Variants in ADCY1 observed in about 807,000 individuals in gnomAD.
The protein encoded by ADCY1 is adenylate cyclase type 1.
In ADCY1, 28 loss-of-function variants were observed where a neutral mutation model predicts 105.4. That is an observed-to-expected ratio of 0.27 (90% CI 0.20 to 0.36). The LOEUF (loss-of-function observed/expected upper bound fraction) is 0.36. Among genes scored for constraint, ADCY1 ranks in the 10% least tolerant of loss-of-function variants. ADCY1 has a pLI of 1.00. For synonymous variants in ADCY1, 655 were observed against 623.8 expected, an observed-to-expected ratio of 1.05 and a Z score of -0.75; for missense variants, 977 against 1,434.2, an observed-to-expected ratio of 0.68 and a Z score of 5.15.
chr7:45,634,546 A>C (rs73318984), intron 4 of ADCY1, among the ~76,000 whole-genome samples: 2,751 of 151,406 alleles, frequency 0.018, 60 homozygotes, highest in African/African-American at 0.051. Context: ...ACCTTGATTG[A>C]TGGTAGGATA....
chr7:45,610,492 T>C lies in ADCY1; in HGVS notation c.903T>C (p.Asn301=), dbSNP rs774834710. The change falls in exon 3 of 20, where the codon AAT becomes AAC. Residue 301 remains asparagine (N), a synonymous_variant. Transcript: ENST00000297323. ...AGATTTACATCCAGAGGCACGACAA[T>C]GTGAGGTAGGGCTGGTGCTGACCCG... ...FHKIYIQRHD[N]VSILFADIVG... The C allele has an allele frequency of 5.0e-6, 8 of 1,613,106 alleles. No homozygotes were observed. In the African/African-American group the frequency reaches 1.1e-4, roughly 22 times the overall value.
At chr7:45,701,694 C>T (rs2471274) in intron 14 of ADCY1, among the ~76,000 whole-genome samples, 151,459 of 152,300 alleles carry the variant, frequency 0.99, 75,315 homozygotes, top group East Asian at 1. Flanking sequence ...GTCCAGAATG[C>T]CATTATTGAT....
intron 4 of ADCY1, among the ~76,000 whole-genome samples, chr7:45,634,613 G>A (rs529381297): frequency 1.3e-5 from 2 of 152,142 alleles, no homozygotes; most frequent in Non-Finnish European, 2.9e-5. Flanking sequence ...GATGGTCCCC[G>A]ACTTATGATA....
chr7:45,721,185 T>C lies in ADCY1; in HGVS notation c.*7190T>C, dbSNP rs1356556305. 6.6e-6 allele frequency: 1 copy of C among 152,272 alleles called. No individual in the cohort carries two copies. The allele number at this position is 152,272 out of a possible 1,614,324, so 9.4% of individuals were successfully genotyped here. On this transcript the variant is annotated 3_prime_UTR_variant, in exon 20 of 20. Coordinates refer to ENST00000297323, the MANE Select transcript of ADCY1 (RefSeq NM_021116.4). ...AGGCTGTCCCCGCAATGGGTGAGACTCGCTCCAACTGCCCGCCCTCAGAGC... is the reference window on the plus strand; with the variant it reads ...AGGCTGTCCCCGCAATGGGTGAGACCCGCTCCAACTGCCCGCCCTCAGAGC...
intron 8 of ADCY1, among the ~76,000 whole-genome samples, chr7:45,668,507 G>C (rs1784305947): frequency 1.3e-5 from 2 of 152,186 alleles, no homozygotes; most frequent in South Asian, 4.1e-4. Context: ...TAAGCTTTTT[G>C]ATGTGCTGCT....
intron 2 of ADCY1, among the ~76,000 whole-genome samples, chr7:45,593,308 G>A (rs552486655): frequency 5.9e-5 from 9 of 152,286 alleles, no homozygotes; most frequent in East Asian, 3.9e-4. Flanking sequence ...CAGTGTGGCC[G>A]ACCCCAGAGC....
chr7:45,587,022 C>A (rs1362322344), intron 1 of ADCY1, among the ~76,000 whole-genome samples: 1 of 152,198 alleles, frequency 6.6e-6, no homozygotes, highest in Admixed American at 6.5e-5. Context: ...CTGAATGCCA[C>A]CCAGGCTGAG....
chr7:45,653,269 A>G (rs752088071), intron 5 of ADCY1, among the ~76,000 whole-genome samples: 26 of 152,242 alleles, frequency 1.7e-4, no homozygotes, highest in African/African-American at 3.1e-4. Context: ...AAAATGGCCA[A>G]TTCTGCCTCA....
At chr7:45,587,733 T>C (rs1649536354) in intron 1 of ADCY1, among the ~76,000 whole-genome samples, 1 of 152,148 alleles carries the variant, frequency 6.6e-6, no homozygotes, top group Admixed American at 6.5e-5. Flanking sequence ...CCAGTGACCC[T>C]CCAGTGTCTG....
intron 8 of ADCY1, chr7:45,664,469 GTTC>G (rs1301450509): frequency 5.3e-6 from 8 of 1,512,578 alleles, no homozygotes; most frequent in Non-Finnish European, 6.2e-6. Context: ...CGCCAGCTCT[GTTC>G]TTCTCTCAGC....
rs1554332713 is a variant in ADCY1, at chr7:45,706,512, A to AAAAAAAAAAAAAAG, written c.2818-1837_2818-1836insAAAAAAAAAAAAGA. Among the ~76,000 whole-genome samples the AAAAAAAAAAAAAAG allele has an allele frequency of 3.0e-5, 4 of 135,446 alleles. 1 individual carries two copies. The highest frequency in any genetic ancestry group is 1.6e-5 in the Non-Finnish European group (1 of 63,288). 88.9% of individuals were successfully genotyped at this position (135,446 alleles called of 152,430 possible). A position where few individuals can be genotyped will look rare whatever the true frequency, so the allele number is the denominator to read the frequency against. ...ACATGCAAAAAAAAAAAAAAAAAAA[A>AAAAAAAAAAAAAAG]AGAATATAGATGCAGACTTTACACC... On this transcript the variant is annotated intron_variant, in intron 17 of 19. Transcript: ENST00000297323.
chr7:45,708,287 G>T lies in ADCY1; in HGVS notation c.2818-63G>T, dbSNP rs1388202370. ...GTGCAGCTGTTGGGCACTGCAGGTT[G>T]GTCCCTGGCCCCCTCTTGCCTTGCA... On this transcript the variant is annotated intron_variant, in intron 17 of 19. Transcript: ENST00000297323. The surrounding 1 kb of genome is among the most constrained non-coding windows in gnomAD (Gnocchi z 4.7). The T allele has an allele frequency of 3.5e-6, 4 of 1,144,882 alleles. No homozygotes were observed. Among genetic ancestry groups the T allele is most frequent in the Non-Finnish European group, 5.2e-6 (4 of 762,052 alleles). 70.9% of individuals were successfully genotyped at this position (1,144,882 alleles called of 1,614,324 possible).
Position 45,708,534 on chromosome 7 carries a change from C to A in ADCY1, c.2932+70C>A. The stretch of plus-strand genomic sequence containing the variant: ...TCCTACACCCACCTAGGGGTGGGAT[C>A]AGCTGATGAGGTACCCTGGTCTTAC... On this transcript the variant is annotated intron_variant, in intron 18 of 19. Transcript: ENST00000297323. This position sits in a 1 kb window ranked among gnomAD's most constrained non-coding sequence, Gnocchi z 4.7. The A allele has an allele frequency of 1.7e-6, 2 of 1,201,458 alleles. No homozygotes were observed. Among genetic ancestry groups the A allele is most frequent in the East Asian group, 2.4e-5 (1 of 42,406 alleles). 74.4% of individuals were successfully genotyped at this position (1,201,458 alleles called of 1,614,324 possible).
At chr7:45,646,607 G>A (rs376073728) in intron 4 of ADCY1, among the ~76,000 whole-genome samples, 1 of 152,220 alleles carries the variant, frequency 6.6e-6, no homozygotes, top group Admixed American at 6.5e-5. Flanking sequence ...CTGGGAAACA[G>A]CACTGTGGGG....
chr7:45,666,590 G>A (rs770469396), intron 8 of ADCY1, among the ~76,000 whole-genome samples: 1 of 152,198 alleles, frequency 6.6e-6, no homozygotes. Context: ...ATAAACATAC[G>A]TGTGCATTTG....
chr7:45,697,841 A>G (rs775579658), intron 14 of ADCY1, among the ~76,000 whole-genome samples: 2 of 152,222 alleles, frequency 1.3e-5, no homozygotes, highest in African/African-American at 2.4e-5. Flanking sequence ...GAAGCTCCTT[A>G]GGAGTAAAGA....
chr7:45,622,131 G>T (rs1007640765), intron 3 of ADCY1, among the ~76,000 whole-genome samples: 6 of 152,140 alleles, frequency 3.9e-5, no homozygotes, highest in African/African-American at 1.4e-4. Flanking sequence ...CCTTTGCCCA[G>T]GAATTCGGGG....
chr7:45,682,407 A>G (rs1784576517), intron 11 of ADCY1, among the ~76,000 whole-genome samples: 1 of 152,144 alleles, frequency 6.6e-6, no homozygotes, highest in Non-Finnish European at 1.5e-5. Context: ...GGCCTGGAGA[A>G]CATCAGGAGC....
At chr7:45,620,038 C>T (rs1250225749) in intron 3 of ADCY1, among the ~76,000 whole-genome samples, 1 of 152,084 alleles carries the variant, frequency 6.6e-6, no homozygotes, top group East Asian at 1.9e-4. Context: ...ATGTGTTATG[C>T]ACATAAAATG....
Sources: gnomAD v4.1 joint callset for allele counts (sites outside exome capture counted in the v4.1 genomes callset) on GRCh38, gnomAD v4.1.1 for gene constraint, Gnocchi (gnomAD v3.1) non-coding constraint, MANE v1.5 for transcripts, NCBI Gene and HGNC (gene_info 2026-07-23, HGNC 2026-07-21) for gene names.